Variants in PHF21B observed in about 807,000 individuals in gnomAD.
The protein encoded by PHF21B is PHD finger protein 4.
In PHF21B, 22 loss-of-function variants were observed where a neutral mutation model predicts 62.2. The observed-to-expected ratio is 0.35, with a 90% CI of 0.25 to 0.51. The LOEUF (loss-of-function observed/expected upper bound fraction) is 0.51, where lower values mean the gene tolerates loss of function less well. PHF21B is among the 20% of genes least tolerant of loss of function. The pLI is 0.97. For synonymous variants in PHF21B, 341 were observed against 314.7 expected (o/e 1.08, Z -0.88); for missense variants, 701 against 707.9 (o/e 0.99, Z 0.11).
intron 2 of PHF21B, among the ~76,000 whole-genome samples, chr22:45,006,097 G>C (rs1601704942): frequency 6.6e-6 from 1 of 152,168 alleles, no homozygotes; most frequent in East Asian, 1.9e-4. Context: ...GGTGACCTCT[G>C]AAAGATTTCA....
chr22:44,940,439 C>T (rs1029771165), intron 2 of PHF21B, among the ~76,000 whole-genome samples: 1 of 152,218 alleles, frequency 6.6e-6, no homozygotes, highest in South Asian at 2.1e-4. Flanking sequence ...GGCTTCACCG[C>T]GCAGCGGGGG....
chr22:44,977,564 CAAAA>C (rs796689775), intron 2 of PHF21B, among the ~76,000 whole-genome samples: 1 of 124,010 alleles, frequency 8.1e-6, no homozygotes. Flanking sequence ...GACTGTGTCT[CAAAA>C]AAAAAAAAAA....
At chr22:44,892,706 C>T (rs905503964) in intron 7 of PHF21B, among the ~76,000 whole-genome samples, 1 of 152,208 alleles carries the variant, frequency 6.6e-6, no homozygotes, top group African/African-American at 2.4e-5. Context: ...CTAAGAAAGC[C>T]CTGAGCCTCT....
At chr22:44,991,547 G>A (rs978766925) in intron 2 of PHF21B, among the ~76,000 whole-genome samples, 5 of 152,192 alleles carry the variant, frequency 3.3e-5, no homozygotes, top group South Asian at 2.1e-4. Flanking sequence ...GAACAGGGAC[G>A]GGCCTGGCGT....
chr22:44,938,525 G>A (rs1457274963), intron 2 of PHF21B, among the ~76,000 whole-genome samples: 4 of 152,194 alleles, frequency 2.6e-5, no homozygotes, highest in African/African-American at 7.2e-5. Flanking sequence ...GAGCCACTGC[G>A]CCCAAAAAAT....
At chr22:44,909,040 C>T (rs6007383) in intron 5 of PHF21B, among the ~76,000 whole-genome samples, 185 of 152,220 alleles carry the variant, frequency 1.2e-3, no homozygotes, top group African/African-American at 4.3e-3. Flanking sequence ...TCAGATGACC[C>T]GCCCACCTTG....
At chr22:44,996,933 C>T (rs376191184) in intron 2 of PHF21B, among the ~76,000 whole-genome samples, 16 of 152,282 alleles carry the variant, frequency 1.1e-4, no homozygotes, top group South Asian at 1.0e-3. Context: ...CACACACACG[C>T]GCACATGCAC....
At chr22:44,997,872 C>T (rs1220582034) in intron 2 of PHF21B, among the ~76,000 whole-genome samples, 3 of 152,236 alleles carry the variant, frequency 2.0e-5, no homozygotes, top group Non-Finnish European at 4.4e-5. Flanking sequence ...TCTGCTGCCG[C>T]TTCGCATAAC....
At chr22:44,966,596 GT>G (rs1379006893) in intron 2 of PHF21B, among the ~76,000 whole-genome samples, 1 of 152,126 alleles carries the variant, frequency 6.6e-6, no homozygotes, top group Non-Finnish European at 1.5e-5. Flanking sequence ...GGAGCCAGAA[GT>G]CCCCCCTTCA....
chr22:44,937,148 G>T, intron 2 of PHF21B, among the ~76,000 whole-genome samples: 1 of 152,180 alleles, frequency 6.6e-6, no homozygotes, highest in East Asian at 1.9e-4. Context: ...TTACAGGCAT[G>T]AACCACCGCA....
chr22:44,940,841 G>T (rs188525712), intron 2 of PHF21B, among the ~76,000 whole-genome samples: 1,698 of 152,328 alleles, frequency 0.011, 21 homozygotes, highest in Admixed American at 0.022. Context: ...GATGGATACA[G>T]GGGAAGGGTG....
intron 2 of PHF21B, among the ~76,000 whole-genome samples, chr22:44,945,722 G>A (rs1029955909): frequency 8.1e-5 from 2 of 24,782 alleles, no homozygotes; most frequent in Admixed American, 4.1e-4. Flanking sequence ...GAATTGGGGG[G>A]GGGGTGGTAT....
chr22:44,976,006 A>T (rs1240955625), intron 2 of PHF21B, among the ~76,000 whole-genome samples: 1 of 152,140 alleles, frequency 6.6e-6, no homozygotes. Flanking sequence ...CATCTCTACA[A>T]AAAAATTCAA....
intron 2 of PHF21B, among the ~76,000 whole-genome samples, chr22:44,920,903 C>T (rs1326934363): frequency 6.6e-6 from 1 of 152,234 alleles, no homozygotes; most frequent in Non-Finnish European, 1.5e-5. Context: ...CTCAGACAAT[C>T]CTCTACTCTT....
intron 5 of PHF21B, among the ~76,000 whole-genome samples, chr22:44,908,668 T>C (rs1037124339): frequency 6.6e-6 from 1 of 152,244 alleles, no homozygotes. Flanking sequence ...CTGGCTGACC[T>C]TGGCTCCTCC....
chr22:44,963,542 A>G (rs2072465972), intron 2 of PHF21B, among the ~76,000 whole-genome samples: 1 of 152,250 alleles, frequency 6.6e-6, no homozygotes, highest in Admixed American at 6.5e-5. Context: ...CATCATCCCC[A>G]GCAAGAAGTG....
intron 2 of PHF21B, among the ~76,000 whole-genome samples, chr22:44,948,794 A>AT (rs1169002510): frequency 6.6e-6 from 1 of 152,188 alleles, no homozygotes; most frequent in African/African-American, 2.4e-5. Context: ...ATCTCAGGAT[A>AT]TTCCACTTTG....
chr22:44,889,965 T>C (rs924900828), intron 8 of PHF21B, among the ~76,000 whole-genome samples, 183 bp from the exon 9 acceptor site: 44 of 150,118 alleles, frequency 2.9e-4, no homozygotes, highest in Admixed American at 2.0e-3. Context: ...CACAAGGCCC[T>C]GTGATACCTG....
intron 4 of PHF21B, among the ~76,000 whole-genome samples, chr22:44,916,019 T>C (rs2071425316): frequency 6.6e-6 from 1 of 152,214 alleles, no homozygotes. Context: ...TGGTATTAAT[T>C]CATGCAGCCG....
Sources: gnomAD v4.1 joint callset for allele counts (sites outside exome capture counted in the v4.1 genomes callset) on GRCh38, gnomAD v4.1.1 for gene constraint, MANE v1.5 for transcripts, NCBI Gene and HGNC (gene_info 2026-07-23, HGNC 2026-07-21) for gene names.